Variants in RAB29 observed in about 807,000 individuals in gnomAD.
RAB29 encodes RAB29, member RAS oncogene family.
RAB29 carries 13 observed loss-of-function variants against 25.5 expected under a neutral mutation model. That is an observed-to-expected ratio of 0.51 (90% CI 0.33 to 0.81). RAB29 has a LOEUF of 0.81. RAB29 is among the 30% of genes least tolerant of loss of function. The pLI is 0.02. For synonymous variants in RAB29, 88 were observed against 95.0 expected (o/e 0.93, Z 0.43); for missense variants, 201 against 254.9 (o/e 0.79, Z 1.44).
In RAB29 at chr1:205,770,041, G is replaced by A; in HGVS notation, c.*301C>T. 1 of 419,254 alleles carries A rather than the reference G, an allele frequency of 2.4e-6. No homozygotes were observed. Among genetic ancestry groups the A allele is most frequent in the South Asian group, 2.9e-5 (1 of 34,108 alleles). 26.0% of individuals were successfully genotyped at this position (419,254 alleles called of 1,614,324 possible). On this transcript the variant is annotated 3_prime_UTR_variant, in exon 6 of 6. Transcript: ENST00000367139. ...GAGAATTATGATCTCTAAAACGCAG[G>A]TGCTGATTTCTAATCCTTCTCATAA...
chr1:205,771,752 C>G, intron 3 of RAB29, 99 bp from the exon 4 acceptor site: 1 of 1,166,866 alleles, frequency 8.6e-7, no homozygotes, highest in Non-Finnish European at 1.3e-6. Context: ...GATGGGGCCA[C>G]TCACTTTCCC....
At position 205,768,994 on chromosome 1, in the gene RAB29, G is replaced by T. The variant is rs1164790253; in HGVS notation, c.*1348C>A. 2.6e-5 allele frequency: 4 copies of T among 152,128 alleles called. No individual in the cohort carries two copies. Among genetic ancestry groups the T allele is most frequent in the Admixed American group, 2.6e-4 (4 of 15,272 alleles). 9.4% of individuals were successfully genotyped at this position (152,128 alleles called of 1,614,324 possible). A position where few individuals can be genotyped will look rare whatever the true frequency, so the allele number is the denominator to read the frequency against. On this transcript the variant is annotated 3_prime_UTR_variant, in exon 6 of 6. Transcript: ENST00000367139. ...TTAGTAAGAATATCGATAACTTTGGGTAGGTTATAAATCACCATCCTAGAG... is the reference window on the plus strand; with the variant it reads ...TTAGTAAGAATATCGATAACTTTGGTTAGGTTATAAATCACCATCCTAGAG...
At chr1:205,771,091 G>C in intron 4 of RAB29, 2 of 501,266 alleles carry the variant, frequency 4.0e-6, no homozygotes, top group Non-Finnish European at 7.1e-6. Context: ...GAGGTCAGGA[G>C]AGCGAGACCA....
At chr1:205,774,619 G>C (rs762188410) in intron 2 of RAB29, among the ~76,000 whole-genome samples, 2 of 152,184 alleles carry the variant, frequency 1.3e-5, no homozygotes, top group African/African-American at 2.4e-5. Flanking sequence ...CTGGCAGTGG[G>C]CTCAGTTTGG....
intron 4 of RAB29, 42 bp from the exon 5 acceptor site, chr1:205,770,896 T>C: frequency 6.2e-7 from 1 of 1,607,716 alleles, no homozygotes; most frequent in Non-Finnish European, 8.5e-7. Flanking sequence ...ATAAACTTCC[T>C]GCAACTAAGA....
At chr1:205,771,701 T>TC (rs150275500) in intron 3 of RAB29, 48 bp from the exon 4 acceptor site, 93,016 of 1,550,352 alleles carry the variant, frequency 0.06, 3,055 homozygotes, top group Middle Eastern at 0.085. Flanking sequence ...AGCCGGCCTC[T>TC]CCCCATTCCT....
chr1:205,771,054 T>G (rs1654968843), intron 4 of RAB29, 200 bp from the exon 5 acceptor site: 1 of 644,358 alleles, frequency 1.6e-6, no homozygotes, highest in Non-Finnish European at 2.5e-6. Flanking sequence ...ATCCCAGCAC[T>G]TTGGGAGGCT....
chr1:205,774,795 T>C (rs1197945767), intron 2 of RAB29, 38 bp downstream of exon 2: 343 of 860,304 alleles, frequency 4.0e-4, no homozygotes, highest in Non-Finnish European at 5.4e-4. Flanking sequence ...CGGGGCCTCC[T>C]CCTCCCCCTC....
rs983130795 is a variant in RAB29 at position 205,771,431 on chromosome 1, A to T, written c.378+41T>A. On this transcript the variant is annotated intron_variant, in intron 4 of 5. Transcript: ENST00000367139. ...AGCATTTTACTTCCTTTCTAACCACAGATAGAGGCTAGGGACCATTTTCTG... is the reference window on the plus strand; with the variant it reads ...AGCATTTTACTTCCTTTCTAACCACTGATAGAGGCTAGGGACCATTTTCTG... 1.9e-6 allele frequency: 3 copies of T among 1,599,656 alleles called. No homozygotes were observed. In the South Asian group the frequency reaches 3.3e-5, roughly 18 times the overall value.
intron 2 of RAB29, among the ~76,000 whole-genome samples, chr1:205,773,033 T>C (rs1655104729): frequency 6.6e-6 from 1 of 152,164 alleles, no homozygotes; most frequent in Admixed American, 6.5e-5. Context: ...CCTGGGGAAC[T>C]CTACATCCAC....
intron 2 of RAB29, among the ~76,000 whole-genome samples, chr1:205,774,582 C>T (rs1655202133): frequency 6.6e-6 from 1 of 152,228 alleles, no homozygotes; most frequent in South Asian, 2.1e-4. Flanking sequence ...TATTTCTCAT[C>T]TTCACGCCTT....
intron 2 of RAB29, 38 bp downstream of exon 2, chr1:205,774,795 T>TGCCCCC: frequency 3.5e-6 from 3 of 860,522 alleles, no homozygotes; most frequent in African/African-American, 3.4e-5. Flanking sequence ...CGGGGCCTCC[T>TGCCCCC]CCTCCCCCTC....
rs141453436 is a variant in RAB29, at chr1:205,770,430, C to T, written c.524G>A (p.Arg175Lys). The T allele has an allele frequency of 3.7e-5, 59 of 1,613,988 alleles. No homozygotes were observed. Among genetic ancestry groups the T allele is most frequent in the Non-Finnish European group, 5.0e-5 (59 of 1,179,988 alleles). Residue 175 changes from arginine (R) to lysine (K), a missense_variant, in exon 6 of 6, where the codon AGA becomes AAA. Physicochemically the swap from Arg to Lys is conservative, Grantham distance 26. Coordinates refer to ENST00000367139, the MANE Select transcript of RAB29 (RefSeq NM_003929.3). The stretch of plus-strand genomic sequence containing the variant: ...AGACATGATATCTTCTGTGGAATTT[C>T]TCATCATCTTTTCAATGAGGACTCT... ...AMRVLIEKMM[R>K]NSTEDIMSLS...
At position 205,769,976 on chromosome 1, in the gene RAB29, T is replaced by C. The variant is rs1253529153; in HGVS notation, c.*366A>G. The C allele has an allele frequency of 4.0e-6, 1 of 253,036 alleles. No homozygotes were observed. The highest frequency in any genetic ancestry group is 7.7e-6 in the Non-Finnish European group (1 of 129,736). 15.7% of individuals were successfully genotyped at this position (253,036 alleles called of 1,614,324 possible). On this transcript the variant is annotated 3_prime_UTR_variant, in exon 6 of 6. Transcript: ENST00000367139. Reference sequence around the variant, plus strand: ...TTCCTCTCAATTGGAAGTCATGATATCAATGAATATCAAATGGAAAAATAA... The same window carrying C: ...TTCCTCTCAATTGGAAGTCATGATACCAATGAATATCAAATGGAAAAATAA...
At chr1:205,772,257 A>G (rs191562826) in intron 3 of RAB29, among the ~76,000 whole-genome samples, 3 of 152,260 alleles carry the variant, frequency 2.0e-5, no homozygotes, top group Non-Finnish European at 4.4e-5. Flanking sequence ...GTCCACCTAT[A>G]GTCTGGACAA....
chr1:205,769,986 T>C lies in RAB29; in HGVS notation c.*356A>G. On this transcript the variant is annotated 3_prime_UTR_variant, in exon 6 of 6. Coordinates refer to ENST00000367139, the MANE Select transcript of RAB29 (RefSeq NM_003929.3). ...TTGGAAGTCATGATATCAATGAATA[T>C]CAAATGGAAAAATAAGCTCAGAAGT... The C allele has an allele frequency of 3.7e-6, 1 of 266,920 alleles. No individual in the cohort carries two copies. The highest frequency in any genetic ancestry group is 7.2e-6 in the Non-Finnish European group (1 of 138,502). 16.5% of individuals were successfully genotyped at this position (266,920 alleles called of 1,614,324 possible). A position where few individuals can be genotyped will look rare whatever the true frequency, so the allele number is the denominator to read the frequency against.
At position 205,774,428 on chromosome 1, in the gene RAB29, C is replaced by A. The variant is rs192488024; in HGVS notation, c.124+405G>T. On this transcript the variant is annotated intron_variant, in intron 2 of 5. Coordinates refer to ENST00000367139, the MANE Select transcript of RAB29 (RefSeq NM_003929.3). ...AGAGGGGCAGGACTACAGCCCCAGC[C>A]GGCACCTAACCAGGAGGCCCCACAG... Among the ~76,000 whole-genome samples, 305 of 152,316 alleles carry A rather than the reference C, an allele frequency of 2.0e-3. 1 individual carries two copies. Among genetic ancestry groups the A allele is most frequent in the African/African-American group, 7.1e-3 (294 of 41,572 alleles).
intron 5 of RAB29, 90 bp from the exon 6 acceptor site, chr1:205,770,543 G>A: frequency 4.2e-6 from 6 of 1,415,502 alleles, no homozygotes; most frequent in African/African-American, 1.4e-5. Context: ...GAGAGTATTT[G>A]GTAAAGCCAG....
rs1200201395 is a variant in RAB29 at position 205,770,738 on chromosome 1, A to C, written c.495T>G (p.Ala165=). The C allele has an allele frequency of 6.2e-7, 1 of 1,614,194 alleles. No individual in the cohort carries two copies. The highest frequency in any genetic ancestry group is 8.5e-7 in the Non-Finnish European group (1 of 1,180,020). Residue 165 remains alanine (A), a synonymous_variant, in exon 5 of 6, where the codon GCT becomes GCG. Transcript: ENST00000367139. ...SVKENKNINE[A]MRVLIEKMMR... ...TATCAGCATGAGCTACTTACCTCAT[A>C]GCCTCATTAATATTTTTGTTCTCCT... is the stretch of plus-strand genomic sequence containing the variant.
Sources: gnomAD v4.1 joint callset for allele counts (sites outside exome capture counted in the v4.1 genomes callset) on GRCh38, gnomAD v4.1.1 for gene constraint, MANE v1.5 for transcripts, NCBI Gene and HGNC (gene_info 2026-07-23, HGNC 2026-07-21) for gene names.